Variants in DPYD observed in about 807,000 individuals in gnomAD.
DPYD encodes the protein dihydropyrimidine dehydrogenase.
Under a neutral mutation model 116.2 loss-of-function variants are expected in DPYD, and 109 were observed. That is an observed-to-expected ratio of 0.94 (90% CI 0.80 to 1.10). The LOEUF (loss-of-function observed/expected upper bound fraction) is 1.10, where lower values mean the gene tolerates loss of function less well. Among genes scored for constraint, DPYD ranks in the 50% least tolerant of loss-of-function variants. DPYD has a pLI of 0.00. For synonymous variants in DPYD, 440 were observed against 432.0 expected (o/e 1.02, Z -0.23); for missense variants, 1,302 against 1,254.5 (o/e 1.04, Z -0.57).
At chr1:97,488,251 A>G (rs1024436673) in intron 13 of DPYD, among the ~76,000 whole-genome samples, 2 of 152,150 alleles carry the variant, frequency 1.3e-5, no homozygotes, top group African/African-American at 4.8e-5. Flanking sequence ...TAGAGGACAG[A>G]TTATGGTTTC....
At chr1:97,170,151 A>T (rs1204467399) in intron 20 of DPYD, among the ~76,000 whole-genome samples, 1 of 152,182 alleles carries the variant, frequency 6.6e-6, no homozygotes, top group Non-Finnish European at 1.5e-5. Flanking sequence ...GATGGCCCTC[A>T]TAAGTTTTCT....
In DPYD at chr1:97,306,826, T is replaced by C. The variant is rs1479138252; in HGVS notation, c.2059-529A>G. ...ACATGTGATATATAGTATATGCAAA[T>C]ATGGAATAATTCAGCCTTGTATTAT... is the stretch of plus-strand genomic sequence containing the variant. On this transcript the variant is annotated intron_variant, in intron 16 of 22. Coordinates refer to ENST00000370192, the MANE Select transcript of DPYD (RefSeq NM_000110.4). Among the ~76,000 whole-genome samples, 4 of 152,082 alleles carry C rather than the reference T, an allele frequency of 2.6e-5. No homozygotes were observed. The East Asian group carries it at 7.8e-4, about 30-fold the overall frequency.
rs1250204137 is a variant in DPYD at position 97,699,554 on chromosome 1, G to A, written c.484-7C>T. The A allele has an allele frequency of 6.2e-7, 1 of 1,612,772 alleles. No homozygotes were observed. The highest frequency in any genetic ancestry group is 1.7e-5 in the Admixed American group (1 of 59,920). ...TACTCATTGCTTTGAATACCTACGG[G>A]GAAATCAATTGTCATGGTTAAAATT... On this transcript the variant is annotated splice_polypyrimidine_tract_variant and splice_region_variant and intron_variant, in intron 5 of 22. Coordinates refer to ENST00000370192, the MANE Select transcript of DPYD (RefSeq NM_000110.4).
intron 18 of DPYD, among the ~76,000 whole-genome samples, chr1:97,270,047 G>C (rs571550605): frequency 6.6e-6 from 1 of 152,250 alleles, no homozygotes; most frequent in South Asian, 2.1e-4. Flanking sequence ...TTTTCGGAGG[G>C]ACATAGGTTA....
At chr1:97,580,377 C>G (rs972963753) in intron 10 of DPYD, among the ~76,000 whole-genome samples, 7 of 152,198 alleles carry the variant, frequency 4.6e-5, no homozygotes, top group Non-Finnish European at 1.0e-4. Flanking sequence ...AATATTATCT[C>G]ATTTCATCAC....
At chr1:97,653,163 T>C (rs189472764) in intron 8 of DPYD, among the ~76,000 whole-genome samples, 22 of 152,296 alleles carry the variant, frequency 1.4e-4, no homozygotes, top group Middle Eastern at 3.4e-3. Context: ...GAAGAGAGTA[T>C]GCCTAAATTC....
At chr1:97,288,232 T>C (rs1665869533) in intron 18 of DPYD, among the ~76,000 whole-genome samples, 1 of 147,948 alleles carries the variant, frequency 6.8e-6, no homozygotes, top group South Asian at 2.2e-4. Flanking sequence ...CACACAATAA[T>C]AATGGGAGAA....
chr1:97,919,947 C>T lies in DPYD; in HGVS notation c.39+937G>A, dbSNP rs1320125424. ...AAACAGGTGGTTTGCAAAACTTTTA[C>T]TTAAGCCGCCAAAAGGACTGACGAA... On this transcript the variant is annotated intron_variant, in intron 1 of 22. Coordinates refer to ENST00000370192, the MANE Select transcript of DPYD (RefSeq NM_000110.4). 3.4e-4 allele frequency among the ~76,000 whole-genome samples: 51 copies of T among 152,116 alleles called. 1 individual carries two copies.
intron 3 of DPYD, among the ~76,000 whole-genome samples, chr1:97,752,520 T>C (rs1571301946): frequency 6.6e-6 from 1 of 152,310 alleles, no homozygotes; most frequent in East Asian, 1.9e-4. Flanking sequence ...GGGAGAATCT[T>C]GGTACAATAT....
At chr1:97,309,857 T>C (rs553834702) in intron 16 of DPYD, among the ~76,000 whole-genome samples, 1 of 151,914 alleles carries the variant, frequency 6.6e-6, no homozygotes, top group South Asian at 2.1e-4. Context: ...GTAACTACTC[T>C]GTATTTAGTT....
At chr1:97,741,516 C>T (rs1379448239) in intron 3 of DPYD, among the ~76,000 whole-genome samples, 2 of 152,154 alleles carry the variant, frequency 1.3e-5, no homozygotes, top group African/African-American at 4.8e-5. Flanking sequence ...GTTGGAAGCA[C>T]ATTGTTAGAA....
At position 97,673,779 on chromosome 1, in the gene DPYD, G is replaced by A. The variant is rs192607857; in HGVS notation, c.850+5316C>T. Among the ~76,000 whole-genome samples, 122 of 152,214 alleles carry A rather than the reference G, an allele frequency of 8.0e-4. 1 individual carries two copies. Among genetic ancestry groups the A allele is most frequent in the Middle Eastern group, 3.4e-3 (1 of 294 alleles). ...TAATCCAGGCTAAAGTATGAAGGTA[G>A]GGAGTAGATCATCACAAGTAAAATA... On this transcript the variant is annotated intron_variant, in intron 8 of 22. Transcript: ENST00000370192.
At chr1:97,887,469 T>TAAAAAAAAAAAAAAAAAAAA (rs57316508) in intron 1 of DPYD, among the ~76,000 whole-genome samples, 8 of 47,140 alleles carry the variant, frequency 1.7e-4, no homozygotes, top group Non-Finnish European at 2.3e-4. Flanking sequence ...GACTCTGCAT[T>TAAAAAAAAAAAAAAAAAAAA]AAAAAAAAAA....
intron 8 of DPYD, among the ~76,000 whole-genome samples, chr1:97,618,789 A>ACCATTTTAATCCAGGCAATCAG (rs1553206408): frequency 2.0e-5 from 3 of 152,188 alleles, no homozygotes; most frequent in Admixed American, 6.5e-5. Context: ...CAAAACCAAC[A>ACCATTTTAATCCAGGCAATCAG]GTTTCAACCA....
chr1:97,259,047 T>C (rs935784868), intron 18 of DPYD, among the ~76,000 whole-genome samples: 61 of 152,234 alleles, frequency 4.0e-4, no homozygotes, highest in Middle Eastern at 6.8e-3. Context: ...ATTTAGAGGA[T>C]AACAAATTTG....
intron 8 of DPYD, among the ~76,000 whole-genome samples, chr1:97,598,711 C>T (rs373431222): frequency 1.3e-5 from 2 of 152,194 alleles, no homozygotes; most frequent in Admixed American, 1.3e-4. Context: ...ACAGACACTA[C>T]TCTAAATGCC....
chr1:97,178,412 G>A (rs756043087), intron 20 of DPYD, among the ~76,000 whole-genome samples: 4 of 152,124 alleles, frequency 2.6e-5, no homozygotes, highest in African/African-American at 7.2e-5. Context: ...ACTTACAATC[G>A]TGGCAAAAGG....
chr1:97,467,904 C>G (rs1677419852), intron 13 of DPYD, among the ~76,000 whole-genome samples: 1 of 152,140 alleles, frequency 6.6e-6, no homozygotes, highest in South Asian at 2.1e-4. Context: ...AAGAAGGGAA[C>G]AGATCTAGAA....
At chr1:97,702,103 C>A (rs114242178) in intron 5 of DPYD, among the ~76,000 whole-genome samples, 2 of 151,418 alleles carry the variant, frequency 1.3e-5, no homozygotes, top group Non-Finnish European at 3.0e-5. Flanking sequence ...ATCTTTTATT[C>A]CTTTCTAAGC....
Sources: allele counts gnomAD v4.1 joint callset (sites outside exome capture counted in the v4.1 genomes callset), GRCh38; gene constraint gnomAD v4.1.1; transcripts MANE v1.5; gene names NCBI Gene and HGNC (gene_info 2026-07-23, HGNC 2026-07-21).